Variants in DNAJB6 observed in about 807,000 individuals in gnomAD.
DNAJB6 encodes the protein DnaJ heat shock protein family (Hsp40) member B6, also known as dnaJ homolog subfamily B member 6.
Under a neutral mutation model 42.7 loss-of-function variants are expected in DNAJB6, and 16 were observed. The observed-to-expected ratio is 0.37, with a 90% CI of 0.25 to 0.57. The LOEUF (loss-of-function observed/expected upper bound fraction) is 0.57. Among genes scored for constraint, DNAJB6 ranks in the 20% least tolerant of loss-of-function variants. DNAJB6 has a pLI of 0.74. For synonymous variants in DNAJB6, 170 were observed against 163.5 expected (o/e 1.04, Z -0.30); for missense variants, 347 against 416.8 (o/e 0.83, Z 1.46).
At chr7:157,400,774 C>T (rs976021278) in intron 8 of DNAJB6, among the ~76,000 whole-genome samples, 6 of 152,070 alleles carry the variant, frequency 3.9e-5, no homozygotes, top group Admixed American at 2.0e-4. Flanking sequence ...GTGGGCGAGA[C>T]GTGAGTGGGT....
chr7:157,393,228 T>C (rs1801431989), intron 8 of DNAJB6, among the ~76,000 whole-genome samples: 2 of 152,156 alleles, frequency 1.3e-5, no homozygotes, highest in African/African-American at 2.4e-5. Flanking sequence ...CCGCCCTCCT[T>C]GGCCTCCCAA....
In DNAJB6 at chr7:157,416,714, T is replaced by A. The variant is rs1280309084; in HGVS notation, c.*616T>A. On this transcript the variant is annotated 3_prime_UTR_variant, in exon 10 of 10. Coordinates refer to ENST00000262177, the MANE Select transcript of DNAJB6 (RefSeq NM_058246.4). ...GGTAGTGCAAATTCAACTTCAAATA[T>A]GGTGTAGGTTTTGCTAGATTCCATA... 1 of 152,260 alleles carries A rather than the reference T, an allele frequency of 6.6e-6. No homozygotes were observed. 9.4% of individuals were successfully genotyped at this position (152,260 alleles called of 1,614,324 possible).
At chr7:157,415,984 C>T (rs550867169) in intron 9 of DNAJB6, 32 bp from the exon 10 acceptor site, 32 of 1,613,934 alleles carry the variant, frequency 2.0e-5, no homozygotes, top group East Asian at 6.7e-5. Context: ...AGTGCTGTTC[C>T]GTACAGTGTT....
intron 8 of DNAJB6, among the ~76,000 whole-genome samples, chr7:157,406,718 A>G (rs1376112330): frequency 6.6e-6 from 1 of 152,192 alleles, no homozygotes; most frequent in East Asian, 1.9e-4. Context: ...CGGGGTTGGA[A>G]GGAACGCAAC....
intron 1 of DNAJB6, among the ~76,000 whole-genome samples, chr7:157,340,537 T>G (rs528476801): frequency 1.3e-5 from 2 of 152,172 alleles, no homozygotes; most frequent in East Asian, 3.9e-4. Context: ...AAATGTGATT[T>G]TTTTTTTTGT....
At chr7:157,402,244 G>T (rs1301794310) in intron 8 of DNAJB6, among the ~76,000 whole-genome samples, 1 of 152,220 alleles carries the variant, frequency 6.6e-6, no homozygotes, top group Admixed American at 6.5e-5. Flanking sequence ...CCCAGGCGGG[G>T]TCCACCCTGG....
chr7:157,406,619 G>A (rs1795776234), intron 8 of DNAJB6, among the ~76,000 whole-genome samples: 3 of 152,166 alleles, frequency 2.0e-5, no homozygotes, highest in Non-Finnish European at 4.4e-5. Flanking sequence ...GAGCCAGGCT[G>A]CCCTGTGGAT....
At chr7:157,391,660 A>C (rs914795917) in intron 8 of DNAJB6, among the ~76,000 whole-genome samples, 2 of 152,254 alleles carry the variant, frequency 1.3e-5, no homozygotes, top group African/African-American at 2.4e-5. Context: ...TCTCAGCCCA[A>C]GTCTTCCGTG....
chr7:157,385,033 A>G (rs758746376), intron 7 of DNAJB6, 25 bp downstream of exon 7: 2 of 1,606,804 alleles, frequency 1.2e-6, no homozygotes. Flanking sequence ...TGCATTTTAT[A>G]TTTTTAGTAA....
intron 6 of DNAJB6, chr7:157,382,587 C>T (rs1003971153): frequency 7.9e-6 from 3 of 377,648 alleles, no homozygotes; most frequent in African/African-American, 6.3e-5. Flanking sequence ...TGGAAATCTT[C>T]TCCTCTTAAT....
chr7:157,364,103 AT>A (rs1226948515), intron 3 of DNAJB6, among the ~76,000 whole-genome samples: 107 of 146,854 alleles, frequency 7.3e-4, no homozygotes, highest in African/African-American at 8.7e-4. Flanking sequence ...AACAAAAAAA[AT>A]TTTTTTTTTT....
intron 3 of DNAJB6, among the ~76,000 whole-genome samples, chr7:157,364,850 A>G (rs1013017945): frequency 1.3e-5 from 2 of 152,210 alleles, no homozygotes; most frequent in African/African-American, 4.8e-5. Context: ...GTTGTCTTCA[A>G]AACATGGTCA....
chr7:157,337,328 C>T (rs999537047), intron 1 of DNAJB6, among the ~76,000 whole-genome samples, 184 bp downstream of exon 1: 3 of 151,114 alleles, frequency 2.0e-5, no homozygotes, highest in South Asian at 2.1e-4. Flanking sequence ...GCGGGGTCCT[C>T]TGGGTCAGGT....
intron 8 of DNAJB6, among the ~76,000 whole-genome samples, chr7:157,391,483 C>T (rs1441693698): frequency 6.6e-6 from 1 of 152,224 alleles, no homozygotes; most frequent in African/African-American, 2.4e-5. Context: ...ACACGGCCTC[C>T]TGCGGTGGCT....
chr7:157,355,309 C>T (rs1180591282), intron 1 of DNAJB6, among the ~76,000 whole-genome samples: 4 of 152,172 alleles, frequency 2.6e-5, no homozygotes, highest in East Asian at 3.9e-4. Context: ...TACAGGCACC[C>T]GCCACCTCTC....
intron 5 of DNAJB6, chr7:157,368,957 T>C (rs1385862435): frequency 1.0e-5 from 3 of 297,644 alleles, no homozygotes; most frequent in Non-Finnish European, 2.0e-5. Context: ...GTCTTGGGCC[T>C]TTTGCATGGT....
At chr7:157,378,274 A>G (rs1249458851) in intron 5 of DNAJB6, 1 of 152,232 alleles carries the variant, frequency 6.6e-6, no homozygotes, top group Non-Finnish European at 1.5e-5. Context: ...TTGGTAGCAC[A>G]TTTGATTAAC....
chr7:157,364,734 A>T (rs1050515037), intron 3 of DNAJB6, among the ~76,000 whole-genome samples: 5 of 152,220 alleles, frequency 3.3e-5, no homozygotes, highest in Non-Finnish European at 7.3e-5. Context: ...TTCATATTTG[A>T]TAGAGCAGCT....
At chr7:157,363,363 C>T in intron 3 of DNAJB6, 93 bp downstream of exon 3, 1 of 729,806 alleles carries the variant, frequency 1.4e-6, no homozygotes, top group Non-Finnish European at 2.3e-6. Context: ...ACAGTATGGA[C>T]TCAAGTGACT....
Sources: gnomAD v4.1 joint callset for allele counts (sites outside exome capture counted in the v4.1 genomes callset) on GRCh38, gnomAD v4.1.1 for gene constraint, MANE v1.5 for transcripts, NCBI Gene and HGNC (gene_info 2026-07-23, HGNC 2026-07-21) for gene names.